Variants in TIAM1 observed in about 807,000 individuals in gnomAD.
TIAM1 encodes rho guanine nucleotide exchange factor TIAM1.
Under a neutral mutation model 163.5 loss-of-function variants are expected in TIAM1, and 65 were observed. The ratio of observed to expected loss-of-function variants is 0.40; its 90% CI spans 0.33 to 0.49. The LOEUF (loss-of-function observed/expected upper bound fraction) is 0.49, where lower values mean the gene tolerates loss of function less well. Ranked by LOEUF, TIAM1 falls within the 20% of genes least tolerant of loss-of-function variation. TIAM1 has a pLI of 0.77. For missense variants in TIAM1, 1,789 were observed against 2,044.7 expected (o/e 0.87, Z 2.41); for synonymous variants, 833 against 810.1 (o/e 1.03, Z -0.48).
At chr21:31,210,814 G>GAAAGAAAGAAAGAAAGAAAGAAAGAAA (rs147674572) in intron 10 of TIAM1, among the ~76,000 whole-genome samples, 2 of 147,702 alleles carry the variant, frequency 1.4e-5, no homozygotes, top group African/African-American at 5.2e-5. Flanking sequence ...AAGAAAGAAA[G>GAAAGAAAGAAAGAAAGAAAGAAAGAAA]GTCACCATTC....
At chr21:31,177,962 C>T (rs2084844290) in intron 15 of TIAM1, among the ~76,000 whole-genome samples, 1 of 152,174 alleles carries the variant, frequency 6.6e-6, no homozygotes, top group Non-Finnish European at 1.5e-5. Context: ...TCCCATCAAA[C>T]CTCAAACCTG....
At chr21:31,489,317 C>T in intron 1 of TIAM1, among the ~76,000 whole-genome samples, 1 of 126,524 alleles carries the variant, frequency 7.9e-6, no homozygotes, top group East Asian at 2.8e-4. Context: ...CTGCAACGAG[C>T]TATGATTACA....
chr21:31,130,933 A>G lies in TIAM1; in HGVS notation c.3899T>C (p.Val1300Ala). The change falls in exon 24 of 28, where the codon GTG becomes GCG. Residue 1300 changes from valine (V) to alanine (A), a missense_variant. Physicochemically the swap from Val to Ala is moderately conservative, Grantham distance 64. Transcript: ENST00000541036. ...GGAACCATCTTTATACACAAGGACC[A>G]CAGCAGTTTTGAAGACTGGAAAAAA... is the stretch of plus-strand genomic sequence containing the variant. ...ELAAFVFKTA[V>A]VLVYKDGSKQ... The G allele has an allele frequency of 6.2e-7, 1 of 1,614,038 alleles. No individual in the cohort carries two copies. The highest frequency in any genetic ancestry group is 2.2e-5 in the East Asian group (1 of 44,864).
intron 3 of TIAM1, among the ~76,000 whole-genome samples, chr21:31,267,289 GAGCGCTGCTTTTGGAC>G (rs1374362725): frequency 6.6e-6 from 1 of 152,210 alleles, no homozygotes; most frequent in Non-Finnish European, 1.5e-5. Flanking sequence ...CCATAGCTGA[GAGCGCTGCTTTTGGAC>G]AGCCAGAAAC....
At position 31,120,786 on chromosome 21, in the gene TIAM1, T is replaced by A; in HGVS notation, c.4358A>T (p.Asn1453Ile). Residue 1453 changes from asparagine to isoleucine, a missense_variant, in exon 28 of 28, where the codon AAC becomes ATC. Asn to Ile is a moderately radical substitution (Grantham distance 149). Transcript: ENST00000541036. This position sits in a 1 kb window ranked among gnomAD's most constrained non-coding sequence, Gnocchi z 4.2. Reference sequence around the variant, plus strand: ...GGCATCAGAATCAATGGTAAACCTGTTTCGAGCCAGCCGCCGCCTCCTCCT... The same window carrying A: ...GGCATCAGAATCAATGGTAAACCTGATTCGAGCCAGCCGCCGCCTCCTCCT... ...LGRRRRRLARNRFTIDSDAVS... is the reference protein window; with the variant it reads ...LGRRRRRLARIRFTIDSDAVS... 6.2e-7 allele frequency: 1 copy of A among 1,613,854 alleles called. No individual in the cohort carries two copies. Among genetic ancestry groups the A allele is most frequent in the Non-Finnish European group, 8.5e-7 (1 of 1,179,974 alleles).
intron 10 of TIAM1, 70 bp from the exon 11 acceptor site, chr21:31,210,285 AC>A: frequency 6.6e-7 from 1 of 1,525,834 alleles, no homozygotes; most frequent in East Asian, 2.3e-5. Context: ...CCCAGACTGC[AC>A]ACAGGAATCA....
chr21:31,420,525 A>G (rs1395913995), intron 2 of TIAM1, among the ~76,000 whole-genome samples: 1 of 152,244 alleles, frequency 6.6e-6, no homozygotes, highest in East Asian at 1.9e-4. Context: ...AAAGCCTCGA[A>G]GCAAAGCATA....
intron 23 of TIAM1, among the ~76,000 whole-genome samples, chr21:31,133,295 G>A (rs1266630978): frequency 6.6e-6 from 1 of 152,166 alleles, no homozygotes; most frequent in Non-Finnish European, 1.5e-5. Flanking sequence ...TTACTCTGGA[G>A]AGGATTCTGA....
intron 1 of TIAM1, among the ~76,000 whole-genome samples, chr21:31,547,030 T>A (rs2048522951): frequency 6.6e-6 from 1 of 152,218 alleles, no homozygotes; most frequent in Admixed American, 6.5e-5. Flanking sequence ...TGCTAGTTGC[T>A]AGGAGGCTCA....
chr21:31,483,296 G>A (rs767549886), intron 1 of TIAM1, among the ~76,000 whole-genome samples: 3 of 152,112 alleles, frequency 2.0e-5, no homozygotes, highest in Non-Finnish European at 2.9e-5. Flanking sequence ...AGACACATAC[G>A]CACTGCACCC....
chr21:31,143,091 G>T (rs577611908), intron 20 of TIAM1, among the ~76,000 whole-genome samples: 1 of 152,080 alleles, frequency 6.6e-6, no homozygotes, highest in Admixed American at 6.5e-5. Flanking sequence ...CACGTCCAGC[G>T]TGGGCACTCT....
chr21:31,132,834 C>T, intron 23 of TIAM1, among the ~76,000 whole-genome samples: 1 of 152,194 alleles, frequency 6.6e-6, no homozygotes, highest in African/African-American at 2.4e-5. Flanking sequence ...CTAAAGCATC[C>T]ACTCTGTGCC....
chr21:31,421,840 A>T (rs1212066026), intron 2 of TIAM1, among the ~76,000 whole-genome samples: 4 of 152,076 alleles, frequency 2.6e-5, no homozygotes, highest in Non-Finnish European at 4.4e-5. Flanking sequence ...AGAAAAAAAA[A>T]TTAGTCAGGC....
At chr21:31,385,909 T>TTATATTAGTTAATA (rs2076862972) in intron 2 of TIAM1, among the ~76,000 whole-genome samples, 1 of 146,970 alleles carries the variant, frequency 6.8e-6, no homozygotes, top group African/African-American at 2.5e-5. Flanking sequence ...GTTAATATAA[T>TTATATTAGTTAATA]TAATATATTA....
intron 1 of TIAM1, among the ~76,000 whole-genome samples, chr21:31,515,951 T>C (rs1237717340): frequency 6.7e-6 from 1 of 148,672 alleles, no homozygotes; most frequent in African/African-American, 2.5e-5. Flanking sequence ...GTACTAAAAA[T>C]AGAAAAATTA....
chr21:31,274,110 G>T (rs753459914), intron 3 of TIAM1, among the ~76,000 whole-genome samples: 8 of 152,124 alleles, frequency 5.3e-5, no homozygotes, highest in Non-Finnish European at 1.0e-4. Flanking sequence ...CTCTACTTGG[G>T]AGGCTGGGGC....
At chr21:31,370,862 G>T (rs1468147070) in intron 2 of TIAM1, among the ~76,000 whole-genome samples, 1 of 152,126 alleles carries the variant, frequency 6.6e-6, no homozygotes, top group East Asian at 1.9e-4. Flanking sequence ...GAAAGATCTG[G>T]CAGCAGTAGG....
intron 2 of TIAM1, among the ~76,000 whole-genome samples, chr21:31,280,032 G>A (rs113142060): frequency 1.4e-4 from 21 of 151,198 alleles, no homozygotes; most frequent in East Asian, 3.9e-4. Context: ...ACGCGTGCGC[G>A]CACACACACA....
chr21:31,211,026 C>G (rs1030026581), intron 10 of TIAM1, among the ~76,000 whole-genome samples: 3 of 151,840 alleles, frequency 2.0e-5, no homozygotes, highest in Non-Finnish European at 4.4e-5. Context: ...TTTTTGTGCT[C>G]TCCTTGGACC....
Sources: allele counts gnomAD v4.1 joint callset (sites outside exome capture counted in the v4.1 genomes callset), GRCh38; gene constraint gnomAD v4.1.1; non-coding constraint Gnocchi (gnomAD v3.1); transcripts MANE v1.5; gene names NCBI Gene and HGNC (gene_info 2026-07-23, HGNC 2026-07-21).